Variants in TEX2 observed in about 807,000 individuals in gnomAD.
The protein encoded by TEX2 is testis expressed 2.
Under a neutral mutation model 106.9 loss-of-function variants are expected in TEX2, and 53 were observed. That is an observed-to-expected ratio of 0.50 (90% CI 0.40 to 0.62). TEX2 has a LOEUF of 0.62. TEX2 is among the 20% of genes least tolerant of loss of function. The pLI is 0.00. For synonymous variants in TEX2, 523 were observed against 534.8 expected (o/e 0.98, Z 0.30); for missense variants, 1,207 against 1,379.0 (o/e 0.88, Z 1.98).
At chr17:64,173,051 G>T (rs2031477514) in intron 6 of TEX2, among the ~76,000 whole-genome samples, 1 of 152,090 alleles carries the variant, frequency 6.6e-6, no homozygotes, top group African/African-American at 2.4e-5. Flanking sequence ...TCCCCCAAAT[G>T]GTTGGTCAGC....
intron 5 of TEX2, among the ~76,000 whole-genome samples, chr17:64,186,051 G>A (rs565153333): frequency 5.6e-4 from 86 of 152,308 alleles, no homozygotes; most frequent in African/African-American, 2.1e-3. Context: ...GGACCCCAGT[G>A]AACATAGCAT....
chr17:64,235,992 C>T (rs1347564673), intron 1 of TEX2, among the ~76,000 whole-genome samples: 3 of 151,968 alleles, frequency 2.0e-5, no homozygotes, highest in African/African-American at 4.8e-5. Context: ...TTGTTGATGA[C>T]TCTGTCTTCC....
rs868974739 is a variant in TEX2 at position 64,222,523 on chromosome 17, A to G, written c.-25-8281T>C. ...CAGAGCGAGATTCCAACTCACAAAA[A>G]AAAAAAAAAAAAAGCAAAAATTGGA... On this transcript the variant is annotated intron_variant, in intron 1 of 11. Coordinates refer to ENST00000584379, the MANE Select transcript of TEX2 (RefSeq NM_001288732.2). 5.0e-3 allele frequency among the ~76,000 whole-genome samples: 752 copies of G among 151,450 alleles called. 9 individuals are homozygous for G. Among genetic ancestry groups the G allele is most frequent in the African/African-American group, 0.017 (695 of 41,310 alleles).
chr17:64,230,413 G>A (rs138327289), intron 1 of TEX2, among the ~76,000 whole-genome samples: 103 of 152,342 alleles, frequency 6.8e-4, no homozygotes, highest in African/African-American at 2.4e-3. Context: ...GCACAGGCAT[G>A]GTCCTGACCT....
intron 1 of TEX2, among the ~76,000 whole-genome samples, chr17:64,238,347 T>C (rs1454236269): frequency 6.6e-6 from 1 of 152,206 alleles, no homozygotes; most frequent in Non-Finnish European, 1.5e-5. Flanking sequence ...CAAAACTGTC[T>C]GTGTAAGTTC....
intron 9 of TEX2, among the ~76,000 whole-genome samples, chr17:64,154,267 T>C (rs1365496142): frequency 6.6e-6 from 1 of 152,258 alleles, no homozygotes. Context: ...CTTCTTTTAG[T>C]TTCTTCAATT....
At chr17:64,255,761 T>C (rs1417926654) in intron 1 of TEX2, 1 of 152,212 alleles carries the variant, frequency 6.6e-6, no homozygotes, top group Non-Finnish European at 1.5e-5. Flanking sequence ...GGTTGTTCCT[T>C]TGAATGGGGA....
At position 64,153,008 on chromosome 17, in the gene TEX2, T is replaced by A. The variant is rs1290508112; in HGVS notation, c.3077A>T (p.Glu1026Val). 1 of 1,614,176 alleles carries A rather than the reference T, an allele frequency of 6.2e-7. No homozygotes were observed. Among genetic ancestry groups the A allele is most frequent in the Non-Finnish European group, 8.5e-7 (1 of 1,180,026 alleles). Residue 1026 changes from glutamate (E) to valine (V), a missense_variant, in exon 10 of 12, where the codon GAA becomes GTA. This residue lies in a region of TEX2 where 63 missense variants were observed against 112.2 expected (regional missense o/e 0.56). Transcript: ENST00000584379. This position sits in a 1 kb window ranked among gnomAD's most constrained non-coding sequence, Gnocchi z 4.1. ...CAAGGTTCCTCTACATTCTTGTACT[T>A]CAACAGTGAGCAGCAGGGGTGTGTT... The part of the protein sequence containing the change: ...VSNTPLLLTV[E>V]VQECRGTLAV...
At chr17:64,220,082 T>C (rs1163565339) in intron 1 of TEX2, among the ~76,000 whole-genome samples, 1 of 152,212 alleles carries the variant, frequency 6.6e-6, no homozygotes, top group Non-Finnish European at 1.5e-5. Flanking sequence ...ACCCAAGGAA[T>C]GCAGGTGGCC....
intron 1 of TEX2, among the ~76,000 whole-genome samples, chr17:64,221,761 C>T (rs1456784972): frequency 6.6e-6 from 1 of 152,080 alleles, no homozygotes; most frequent in African/African-American, 2.4e-5. Context: ...CAGACAATGG[C>T]CAAGAGGTGG....
At chr17:64,182,136 G>T (rs2031895221) in intron 5 of TEX2, among the ~76,000 whole-genome samples, 1 of 152,160 alleles carries the variant, frequency 6.6e-6, no homozygotes, top group Non-Finnish European at 1.5e-5. Context: ...AATGGAGCAT[G>T]ATTCAGCCTC....
intron 7 of TEX2, among the ~76,000 whole-genome samples, chr17:64,163,797 G>A (rs2030995237): frequency 6.6e-6 from 1 of 152,320 alleles, no homozygotes; most frequent in East Asian, 1.9e-4. Flanking sequence ...ACTGCCCCAT[G>A]AGCACCATCT....
chr17:64,184,571 T>C (rs564073283), intron 5 of TEX2, among the ~76,000 whole-genome samples: 1 of 152,366 alleles, frequency 6.6e-6, no homozygotes, highest in Admixed American at 6.5e-5. Flanking sequence ...CTTGATGGTA[T>C]TGTTGGCAGC....
chr17:64,260,318 G>A (rs9913654), intron 1 of TEX2, among the ~76,000 whole-genome samples: 2,275 of 152,294 alleles, frequency 0.015, 53 homozygotes, highest in African/African-American at 0.05. Flanking sequence ...GAAAAACAAC[G>A]TGGTACAATG....
At chr17:64,250,420 T>C (rs978892110) in intron 1 of TEX2, among the ~76,000 whole-genome samples, 6 of 152,238 alleles carry the variant, frequency 3.9e-5, no homozygotes, top group Non-Finnish European at 8.8e-5. Context: ...CCTTGCCCTC[T>C]GGATGGCTTT....
At chr17:64,223,367 T>TTG (rs1446882063) in intron 1 of TEX2, among the ~76,000 whole-genome samples, 3 of 151,294 alleles carry the variant, frequency 2.0e-5, no homozygotes, top group Non-Finnish European at 4.4e-5. Context: ...CTTTTTTTTT[T>TTG]TTTTTTTCAC....
intron 2 of TEX2, among the ~76,000 whole-genome samples, chr17:64,208,665 C>A (rs1555631131): frequency 6.6e-6 from 1 of 152,106 alleles, no homozygotes; most frequent in Admixed American, 6.6e-5. Flanking sequence ...CATTCTGTCA[C>A]CCAGGCTGGA....
chr17:64,210,886 G>C (rs1567943329), intron 2 of TEX2, among the ~76,000 whole-genome samples: 1 of 151,980 alleles, frequency 6.6e-6, no homozygotes, highest in Non-Finnish European at 1.5e-5. Flanking sequence ...TGAACCTTCT[G>C]CAGAGAGGTG....
At chr17:64,233,286 A>G (rs1197267296) in intron 1 of TEX2, among the ~76,000 whole-genome samples, 1 of 152,176 alleles carries the variant, frequency 6.6e-6, no homozygotes, top group Non-Finnish European at 1.5e-5. Flanking sequence ...TTAAAAACAC[A>G]CATGCGGCCT....
Sources: allele counts gnomAD v4.1 joint callset (sites outside exome capture counted in the v4.1 genomes callset), GRCh38; gene constraint gnomAD v4.1.1; regional missense constraint gnomAD v4.1.1; non-coding constraint Gnocchi (gnomAD v3.1); transcripts MANE v1.5; gene names NCBI Gene and HGNC (gene_info 2026-07-23, HGNC 2026-07-21).